The following EPB41L2 variants were observed in gnomAD, a reference collection of about 807,000 sequenced individuals.
The protein encoded by EPB41L2 is erythrocyte membrane protein band 4.1 like 2.
In EPB41L2, 43 loss-of-function variants were observed where a neutral mutation model predicts 113.0. The ratio of observed to expected loss-of-function variants is 0.38; its 90% confidence interval spans 0.30 to 0.49. The LOEUF is 0.49. Among genes scored for constraint, EPB41L2 ranks in the 20% least tolerant of loss-of-function variants. The probability of loss-of-function intolerance (pLI) is 0.95; values close to 1 mark genes in which losing one functional copy is unlikely to be tolerated. For synonymous variants in EPB41L2, 442 were observed against 436.7 expected (o/e 1.01, Z -0.15); for missense variants, 1,147 against 1,223.4 (o/e 0.94, Z 0.93).
intron 4 of EPB41L2, among the ~76,000 whole-genome samples, chr6:130,920,541 G>C (rs983115982): frequency 2.6e-5 from 4 of 151,974 alleles, no homozygotes; most frequent in Non-Finnish European, 5.9e-5. Context: ...TGTCACCTAG[G>C]CGAAAGTGCA....
chr6:131,035,790 G>A (rs1042608832), intron 1 of EPB41L2, among the ~76,000 whole-genome samples: 4 of 152,150 alleles, frequency 2.6e-5, no homozygotes, highest in Non-Finnish European at 5.9e-5. Flanking sequence ...GGTTAAATGA[G>A]ATAAGCAATA....
chr6:131,058,601 A>G (rs989073181), intron 1 of EPB41L2, among the ~76,000 whole-genome samples: 1 of 152,230 alleles, frequency 6.6e-6, no homozygotes, highest in Non-Finnish European at 1.5e-5. Context: ...TTCATCAAAT[A>G]TTTATTAAAT....
intron 4 of EPB41L2, among the ~76,000 whole-genome samples, chr6:130,924,198 T>C (rs1163953823): frequency 6.6e-6 from 1 of 152,240 alleles, no homozygotes; most frequent in Non-Finnish European, 1.5e-5. Flanking sequence ...TGTACATACA[T>C]ATTCCATTGT....
chr6:131,060,104 AAG>A lies in EPB41L2; in HGVS notation c.-15+3049_-15+3050del, dbSNP rs558559352. Among the ~76,000 whole-genome samples, 85 of 152,346 alleles carry A rather than the reference AAG, an allele frequency of 5.6e-4. 1 individual carries two copies. In the South Asian group the frequency reaches 0.017, roughly 31 times the overall value. ...ACAGGCTACTTCAGTTCAAAAAAGA[AAG>A]AAAAAGGCCCATGTCTTCAGCTGGG... is the stretch of plus-strand genomic sequence containing the variant. On this transcript the variant is annotated intron_variant, in intron 1 of 19. Transcript: ENST00000337057.
At position 130,884,982 on chromosome 6, in the gene EPB41L2, A is replaced by G. The variant is rs997064243; in HGVS notation, c.1833+114T>C. On this transcript the variant is annotated intron_variant, in intron 12 of 19. Transcript: ENST00000337057. ...ATATTTGAAAACATAAATGACCAGC[A>G]GAGAACATAGAACAACTAATTTTAA... The G allele has an allele frequency of 1.0e-4, 123 of 1,194,824 alleles. No individual in the cohort carries two copies. In the African/African-American group the frequency reaches 1.8e-3, roughly 17 times the overall value. 74.0% of individuals were successfully genotyped at this position (1,194,824 alleles called of 1,614,324 possible).
At chr6:131,002,649 A>C (rs1019044605) in intron 1 of EPB41L2, among the ~76,000 whole-genome samples, 12 of 152,258 alleles carry the variant, frequency 7.9e-5, no homozygotes, top group Admixed American at 2.6e-4. Flanking sequence ...TAATGGATTT[A>C]TTAGTTTTAA....
At position 130,929,857 on chromosome 6, in the gene EPB41L2, TCACACA is replaced by T. The variant is rs140350248; in HGVS notation, c.706-3154_706-3149del. Among the ~76,000 whole-genome samples the T allele has an allele frequency of 1.3e-3, 156 of 123,438 alleles. 1 individual carries two copies. The highest frequency in any genetic ancestry group is 1.4e-3 in the African/African-American group (49 of 34,262). 81.0% of individuals were successfully genotyped at this position (123,438 alleles called of 152,430 possible). A position where few individuals can be genotyped will look rare whatever the true frequency, so the allele number is the denominator to read the frequency against. On this transcript the variant is annotated intron_variant, in intron 3 of 19. Transcript: ENST00000337057. Reference sequence around the variant, plus strand: ...GGGAGATTAAATACAAGACAGACAGTCACACACACACACACACACACACACACACAC... The same window carrying T: ...GGGAGATTAAATACAAGACAGACAGTCACACACACACACACACACACACAC...
At chr6:130,872,158 T>G (rs1231535335) in intron 14 of EPB41L2, among the ~76,000 whole-genome samples, 2 of 146,192 alleles carry the variant, frequency 1.4e-5, no homozygotes, top group South Asian at 2.2e-4. Flanking sequence ...TTAGGCAGAT[T>G]TTTTTTTTCT....
In EPB41L2 at chr6:130,951,356, A is replaced by T. The variant is rs1326613380; in HGVS notation, c.705+3749T>A. ...TTTTTTTTTTTGAGACAAAAGTCTC[A>T]CTCTGTCGCCCAGGCTGAAGTACAG... On this transcript the variant is annotated intron_variant, in intron 3 of 19. Coordinates refer to ENST00000337057, the MANE Select transcript of EPB41L2 (RefSeq NM_001431.4). 2.7e-5 allele frequency among the ~76,000 whole-genome samples: 3 copies of T among 111,450 alleles called. No homozygotes were observed. The East Asian group carries it at 7.8e-4, about 29-fold the overall frequency. 73.1% of individuals were successfully genotyped at this position (111,450 alleles called of 152,430 possible).
intron 3 of EPB41L2, among the ~76,000 whole-genome samples, chr6:130,936,378 C>A (rs1213403823): frequency 2.0e-5 from 3 of 152,176 alleles, no homozygotes; most frequent in Non-Finnish European, 2.9e-5. Flanking sequence ...GACCCTCCAA[C>A]AGAAGGGTAA....
chr6:130,882,026 G>A (rs560612826), intron 12 of EPB41L2: 1 of 152,170 alleles, frequency 6.6e-6, no homozygotes, highest in African/African-American at 2.4e-5. Flanking sequence ...AACACACTTG[G>A]GTTTCCAACA....
chr6:130,955,152 A>T lies in EPB41L2; in HGVS notation c.658T>A (p.Cys220Ser), dbSNP rs750861794. 59 of 1,614,032 alleles carry T rather than the reference A, an allele frequency of 3.7e-5. 1 individual carries two copies. In the East Asian group the frequency reaches 1.3e-3, roughly 35 times the overall value. ...KVTKKTKTVQ[C>S]KVTLLDGTEY... ...GTGCCATCTAAGAGGGTCACTTTAC[A>T]CTGGACAGTTTTGGTCTTCTTGGTG... The change falls in exon 3 of 20, where the codon TGT becomes AGT. Residue 220 changes from cysteine to serine, a missense_variant. By Grantham distance (112) the Cys-to-Ser change is moderately radical (BLOSUM62 -1). Coordinates refer to ENST00000337057, the MANE Select transcript of EPB41L2 (RefSeq NM_001431.4).
chr6:130,955,293 T>C lies in EPB41L2; in HGVS notation c.517A>G (p.Arg173Gly). The C allele has an allele frequency of 6.2e-7, 1 of 1,612,456 alleles. No homozygotes were observed. ...MQPTELVSKE[R>G]EEKVKETQED... ...TGTGTTTCTTTTACCTTCTCTTCTC[T>C]CTCCTTACTTACTAATTCAGTAGGC... The change falls in exon 3 of 20, where the codon AGA (arginine) becomes GGA (glycine). Residue 173 changes from arginine (R) to glycine (G), a missense_variant. Arg to Gly is a moderately radical substitution (Grantham distance 125). Transcript: ENST00000337057.
chr6:130,905,869 A>G (rs959512208), intron 5 of EPB41L2, among the ~76,000 whole-genome samples: 14 of 152,128 alleles, frequency 9.2e-5, no homozygotes, highest in Non-Finnish European at 1.8e-4. Context: ...ACTCACTCAA[A>G]TATTTATTAA....
intron 5 of EPB41L2, among the ~76,000 whole-genome samples, chr6:130,904,915 C>T (rs986057414): frequency 2.2e-5 from 2 of 91,878 alleles, no homozygotes; most frequent in African/African-American, 8.2e-5. Flanking sequence ...TATTCTCCAC[C>T]CTTTTTTTTT....
At chr6:130,886,060 T>C (rs1041514991) in intron 11 of EPB41L2, among the ~76,000 whole-genome samples, 8 of 152,210 alleles carry the variant, frequency 5.3e-5, no homozygotes, top group African/African-American at 1.9e-4. Context: ...TGTCCATCTG[T>C]AGCTCCTCCC....
At chr6:130,996,157 T>C (rs1331738178) in intron 1 of EPB41L2, among the ~76,000 whole-genome samples, 3 of 152,008 alleles carry the variant, frequency 2.0e-5, no homozygotes, top group Non-Finnish European at 4.4e-5. Flanking sequence ...ATATAAAGAG[T>C]TGGTTTCTGC....
At chr6:130,905,896 A>G (rs1430368020) in intron 5 of EPB41L2, among the ~76,000 whole-genome samples, 3 of 152,198 alleles carry the variant, frequency 2.0e-5, no homozygotes, top group Non-Finnish European at 4.4e-5. Flanking sequence ...ACTGTTGTAT[A>G]CAAATGCATT....
At chr6:130,861,480 T>C (rs1279816772) in intron 18 of EPB41L2, among the ~76,000 whole-genome samples, 1 of 152,216 alleles carries the variant, frequency 6.6e-6, no homozygotes, top group African/African-American at 2.4e-5. Context: ...CATCATTTAA[T>C]TTAAAGTAGC....
Sources: gnomAD v4.1 joint callset for allele counts (sites outside exome capture counted in the v4.1 genomes callset) on GRCh38, gnomAD v4.1.1 for gene constraint, MANE v1.5 for transcripts, NCBI Gene and HGNC (gene_info 2026-07-23, HGNC 2026-07-21) for gene names.